Variants in GMDS observed in about 807,000 individuals in gnomAD.
GMDS encodes GDP-mannose 4,6 dehydratase.
In GMDS, 20 loss-of-function variants were observed where a neutral mutation model predicts 49.9. The observed-to-expected ratio is 0.40, with a 90% CI of 0.28 to 0.58. The LOEUF is 0.58. GMDS is among the 20% of genes least tolerant of loss of function. GMDS has a pLI of 0.42. For missense variants in GMDS, 362 were observed against 481.4 expected (o/e 0.75, Z 2.32); for synonymous variants, 177 against 178.6 (o/e 0.99, Z 0.07).
chr6:2,162,248 C>A (rs550091094), intron 1 of GMDS, among the ~76,000 whole-genome samples: 2 of 152,238 alleles, frequency 1.3e-5, no homozygotes, highest in East Asian at 3.9e-4. Context: ...CATGCTTCTG[C>A]CCCAAGCTAC....
intron 6 of GMDS, among the ~76,000 whole-genome samples, chr6:1,940,360 T>C (rs1056305586): frequency 7.2e-5 from 11 of 152,386 alleles, no homozygotes; most frequent in South Asian, 4.1e-4. Flanking sequence ...ACAATATTCA[T>C]TGGAAAACAG....
At chr6:2,173,165 C>T (rs1209584021) in intron 1 of GMDS, among the ~76,000 whole-genome samples, 1 of 152,154 alleles carries the variant, frequency 6.6e-6, no homozygotes, top group Admixed American at 6.5e-5. Flanking sequence ...TGCTTATCAA[C>T]ACTTAGGAAA....
rs771494427 is a variant in GMDS at position 1,960,761 on chromosome 6, C to T, written c.538+13G>A. 11 of 1,552,114 alleles carry T rather than the reference C, an allele frequency of 7.1e-6. No homozygotes were observed. The highest frequency in any genetic ancestry group is 4.7e-5 in the South Asian group (4 of 85,016). On this transcript the variant is annotated intron_variant, in intron 5 of 10. Transcript: ENST00000380815. ...CGCCACACATGTGCTCCGGTGTGCA[C>T]GCATGTTCTCACCATAGGGTGACCG...
chr6:2,065,220 T>C (rs1771487420), intron 4 of GMDS, among the ~76,000 whole-genome samples: 1 of 151,796 alleles, frequency 6.6e-6, no homozygotes, highest in Non-Finnish European at 1.5e-5. Context: ...GTCCTGTCTG[T>C]TAGAGGGAAA....
chr6:1,653,466 C>T (rs1319562253), intron 9 of GMDS, among the ~76,000 whole-genome samples: 1 of 152,150 alleles, frequency 6.6e-6, no homozygotes, highest in Non-Finnish European at 1.5e-5. Context: ...CATGGAATCT[C>T]AAGGGACTCT....
At chr6:1,968,832 A>G (rs1581437142) in intron 4 of GMDS, among the ~76,000 whole-genome samples, 1 of 152,130 alleles carries the variant, frequency 6.6e-6, no homozygotes, top group African/African-American at 2.4e-5. Flanking sequence ...AACAGCCCCT[A>G]CCCCACTAGA....
At chr6:1,893,193 CTTTTT>C (rs1197199049) in intron 7 of GMDS, among the ~76,000 whole-genome samples, 3 of 127,490 alleles carry the variant, frequency 2.4e-5, no homozygotes, top group Admixed American at 8.1e-5. Flanking sequence ...TTTTTGTTTT[CTTTTT>C]TTTTTTTTTT....
rs1768343836 is a variant in GMDS at position 1,766,162 on chromosome 6, C to T, written c.772-23576G>A. ...GCTGCCCGTCTGTTTAAATGTAATA[C>T]TCTTTCAGTGCATCAAGATACCTGA... On this transcript the variant is annotated intron_variant, in intron 7 of 10. Coordinates refer to ENST00000380815, the MANE Select transcript of GMDS (RefSeq NM_001500.4). The surrounding 1 kb of genome is among the most constrained non-coding windows in gnomAD (Gnocchi z 4.5). 6.6e-6 allele frequency among the ~76,000 whole-genome samples: 1 copy of T among 152,172 alleles called. No individual in the cohort carries two copies. The highest frequency in any genetic ancestry group is 6.5e-5 in the Admixed American group (1 of 15,282).
At chr6:1,822,513 A>C (rs1203913558) in intron 7 of GMDS, among the ~76,000 whole-genome samples, 1 of 152,224 alleles carries the variant, frequency 6.6e-6, no homozygotes, top group Non-Finnish European at 1.5e-5. Context: ...AATCGTGGAA[A>C]CAATACATAG....
chr6:1,974,517 T>C (rs1038627754), intron 4 of GMDS, among the ~76,000 whole-genome samples: 1 of 152,124 alleles, frequency 6.6e-6, no homozygotes, highest in Non-Finnish European at 1.5e-5. Context: ...TTTCTCTCTA[T>C]TTGCTGTGGA....
Position 1,766,648 on chromosome 6 carries a change from T to A in GMDS, c.772-24062A>T, listed in dbSNP as rs1249800320. ...CACCTCAGGCAGCCTGCAGAGGCTC[T>A]CCCCTTCTAGAAGGCCCAGCAAGCG... On this transcript the variant is annotated intron_variant, in intron 7 of 10. Coordinates refer to ENST00000380815, the MANE Select transcript of GMDS (RefSeq NM_001500.4). The surrounding 1 kb of genome is among the most constrained non-coding windows in gnomAD (Gnocchi z 4.5). Among the ~76,000 whole-genome samples the A allele has an allele frequency of 6.6e-6, 1 of 152,164 alleles. No homozygotes were observed. Among genetic ancestry groups the A allele is most frequent in the Non-Finnish European group, 1.5e-5 (1 of 68,020 alleles).
chr6:1,741,609 G>A lies in GMDS; in HGVS notation c.890+859C>T, dbSNP rs373196486. Among the ~76,000 whole-genome samples, 14 of 151,900 alleles carry A rather than the reference G, an allele frequency of 9.2e-5. No individual in the cohort carries two copies. The East Asian group carries it at 1.6e-3, about 17-fold the overall frequency. On this transcript the variant is annotated intron_variant, in intron 8 of 10. Transcript: ENST00000380815. ...GTGGATCACCTGAGGTCAGGAGTTC[G>A]AAGACTAGCCTGGTCAACACAATGA...
At chr6:1,929,510 C>G (rs1762183606) in intron 7 of GMDS, among the ~76,000 whole-genome samples, 1 of 152,192 alleles carries the variant, frequency 6.6e-6, no homozygotes, top group South Asian at 2.1e-4. Flanking sequence ...GAATGAAAAT[C>G]TGAATTTCCC....
chr6:1,906,951 C>G (rs146667812), intron 7 of GMDS, among the ~76,000 whole-genome samples: 1 of 152,130 alleles, frequency 6.6e-6, no homozygotes, highest in Non-Finnish European at 1.5e-5. Flanking sequence ...CCCCAGCCTC[C>G]GAGAGGAGGC....
chr6:1,952,110 C>A (rs771650702), intron 6 of GMDS: 13 of 398,468 alleles, frequency 3.3e-5, no homozygotes, highest in Non-Finnish European at 4.4e-5. Context: ...CAATCTCATG[C>A]TGCTTCTGTT....
intron 7 of GMDS, among the ~76,000 whole-genome samples, chr6:1,804,359 T>G (rs1386765754): frequency 6.6e-6 from 1 of 152,286 alleles, no homozygotes; most frequent in African/African-American, 2.4e-5. Context: ...AACTCACGGC[T>G]GGCCAGCGGG....
intron 7 of GMDS, among the ~76,000 whole-genome samples, chr6:1,904,631 G>C (rs778318615): frequency 3.9e-5 from 6 of 152,190 alleles, no homozygotes; most frequent in Non-Finnish European, 7.3e-5. Flanking sequence ...CTTGAGCGTG[G>C]GTTGTCAGAA....
intron 9 of GMDS, among the ~76,000 whole-genome samples, chr6:1,684,654 G>C (rs367926057): frequency 6.6e-6 from 1 of 152,122 alleles, no homozygotes; most frequent in African/African-American, 2.4e-5. Flanking sequence ...GAAAAGGGGC[G>C]GTGTTGGGGG....
chr6:2,060,433 A>G (rs1581589416), intron 4 of GMDS, among the ~76,000 whole-genome samples: 1 of 152,320 alleles, frequency 6.6e-6, no homozygotes, highest in East Asian at 1.9e-4. Flanking sequence ...CTGTGATTAC[A>G]CAGAAAATCT....
Sources: gnomAD v4.1 joint callset for allele counts (sites outside exome capture counted in the v4.1 genomes callset) on GRCh38, gnomAD v4.1.1 for gene constraint, Gnocchi (gnomAD v3.1) non-coding constraint, MANE v1.5 for transcripts, NCBI Gene and HGNC (gene_info 2026-07-23, HGNC 2026-07-21) for gene names.